MYO10: variants seen among roughly 807,000 people sequenced by gnomAD.
MYO10 encodes myosin X.
In MYO10, 133 loss-of-function variants were observed where a neutral mutation model predicts 257.3. That is an observed-to-expected ratio of 0.52 (90% CI 0.45 to 0.60). The LOEUF (loss-of-function observed/expected upper bound fraction) is 0.60, where lower values mean the gene tolerates loss of function less well. Among genes scored for constraint, MYO10 ranks in the 20% least tolerant of loss-of-function variants. The pLI is 0.00. For synonymous variants in MYO10, 1,104 were observed against 1,028.6 expected (o/e 1.07, Z -1.40); for missense variants, 2,399 against 2,635.7 (o/e 0.91, Z 1.97).
chr5:16,738,429 A>G (rs892967271), intron 19 of MYO10: 13 of 984,510 alleles, frequency 1.3e-5, no homozygotes, highest in African/African-American at 1.8e-5. Flanking sequence ...ATAGTCACAG[A>G]CTCTTTTTGG....
intron 1 of MYO10, among the ~76,000 whole-genome samples, chr5:16,914,283 C>T (rs1031047497): frequency 2.6e-5 from 4 of 152,182 alleles, no homozygotes; most frequent in Non-Finnish European, 5.9e-5. Context: ...CTGGCCATGC[C>T]GCCTTCCTTC....
chr5:16,779,555 C>A lies in MYO10; in HGVS notation c.920G>T (p.Arg307Met), dbSNP rs1741336846. Residue 307 changes from arginine (R) to methionine (M), a missense_variant, in exon 9 of 41, where the codon AGG (arginine) becomes ATG (methionine). Around this residue, in one of 3 missense-constraint regions of MYO10, gnomAD observed 337 missense variants for 446.8 expected, o/e 0.75. Coordinates refer to ENST00000513610, the MANE Select transcript of MYO10 (RefSeq NM_012334.3). ...DKTISDQESF[R>M]EVITAMDVMQ... ...TTAAAAGTAACTTACAATAACTTCC[C>A]TAAAGGATTCCTGGTCACTGATTGT... 1.3e-6 allele frequency: 2 copies of A among 1,571,438 alleles called. No individual in the cohort carries two copies. Among genetic ancestry groups the A allele is most frequent in the South Asian group, 2.4e-5 (2 of 83,052 alleles).
chr5:16,730,923 C>G (rs1277713861), intron 19 of MYO10, among the ~76,000 whole-genome samples: 1 of 152,060 alleles, frequency 6.6e-6, no homozygotes, highest in African/African-American at 2.4e-5. Context: ...AGGTCGTGGG[C>G]TGTCATGGGA....
intron 2 of MYO10, among the ~76,000 whole-genome samples, chr5:16,867,990 G>A (rs1442205840): frequency 6.6e-6 from 1 of 152,172 alleles, no homozygotes; most frequent in Non-Finnish European, 1.5e-5. Flanking sequence ...CCTGCACAGA[G>A]TAATCGCCTT....
At chr5:16,830,393 TCTA>T (rs1428258511) in intron 2 of MYO10, among the ~76,000 whole-genome samples, 4 of 152,148 alleles carry the variant, frequency 2.6e-5, no homozygotes, top group Non-Finnish European at 4.4e-5. Context: ...TTAAGGGACA[TCTA>T]CTGCACAAAG....
intron 1 of MYO10, among the ~76,000 whole-genome samples, chr5:16,907,888 C>T (rs1745558142): frequency 6.6e-6 from 1 of 152,194 alleles, no homozygotes. Context: ...AAAAATTTAT[C>T]TTTACCTCTC....
intron 2 of MYO10, among the ~76,000 whole-genome samples, chr5:16,833,448 G>A (rs1026684091): frequency 1.4e-4 from 22 of 152,154 alleles, no homozygotes; most frequent in Admixed American, 5.2e-4. Flanking sequence ...TCCTGACCTC[G>A]TGATTTGCCC....
intron 18 of MYO10, among the ~76,000 whole-genome samples, chr5:16,757,841 T>C (rs1290055091): frequency 6.6e-6 from 1 of 152,156 alleles, no homozygotes; most frequent in Non-Finnish European, 1.5e-5. Flanking sequence ...ATTTCTGTAT[T>C]TTTTGTAGAG....
intron 2 of MYO10, 40 bp from the exon 3 acceptor site, chr5:16,818,207 A>T (rs377539629): frequency 2.0e-5 from 28 of 1,404,648 alleles, no homozygotes; most frequent in Non-Finnish European, 2.6e-5. Context: ...CATTATCAGC[A>T]GTAAGTGATT....
At chr5:16,785,696 CCT>C (rs1292181719) in intron 4 of MYO10, among the ~76,000 whole-genome samples, 2 of 152,040 alleles carry the variant, frequency 1.3e-5, no homozygotes, top group African/African-American at 4.8e-5. Context: ...ATGGTGAAAC[CCT>C]GTCTCTACTC....
intron 22 of MYO10, among the ~76,000 whole-genome samples, chr5:16,703,799 T>C (rs1176461466): frequency 6.8e-6 from 1 of 148,008 alleles, no homozygotes; most frequent in Non-Finnish European, 1.5e-5. Flanking sequence ...GGAGAATCAC[T>C]TGAACCCGGG....
At position 16,719,995 on chromosome 5, in the gene MYO10, T is replaced by C. The variant is rs796721179; in HGVS notation, c.1930-8750A>G. Among the ~76,000 whole-genome samples the C allele has an allele frequency of 8.1e-3, 1,033 of 127,424 alleles. 4 individuals are homozygous for C. The highest frequency in any genetic ancestry group is 0.012 in the South Asian group (58 of 4,726). 83.6% of individuals were successfully genotyped at this position (127,424 alleles called of 152,430 possible). A position where few individuals can be genotyped will look rare whatever the true frequency, so the allele number is the denominator to read the frequency against. ...AAATAAATGTGTGTGCGTGCGTGTG[T>C]GTGTGTGTGTGTGTGTGTGTGTGTG... On this transcript the variant is annotated intron_variant, in intron 19 of 40. Coordinates refer to ENST00000513610, the MANE Select transcript of MYO10 (RefSeq NM_012334.3).
At chr5:16,812,850 A>G (rs1742482025) in intron 3 of MYO10, among the ~76,000 whole-genome samples, 1 of 152,166 alleles carries the variant, frequency 6.6e-6, no homozygotes, top group Non-Finnish European at 1.5e-5. Flanking sequence ...AGATTCAATT[A>G]TCAATACGGA....
In MYO10 at chr5:16,780,544, C is replaced by T. The variant is rs778469145; in HGVS notation, c.806G>A (p.Gly269Glu). The T allele has an allele frequency of 6.3e-7, 1 of 1,583,108 alleles. No homozygotes were observed. Among genetic ancestry groups the T allele is most frequent in the African/African-American group, 1.3e-5 (1 of 74,716 alleles). The change falls in exon 8 of 41, where the codon GGG (glycine) becomes GAG (glutamate). Residue 269 changes from glycine to glutamate, a missense_variant. Gly to Glu is a moderately conservative substitution (Grantham distance 98). Transcript: ENST00000513610. ...NYHIFYALLA[G>E]LEHEEREEFY... ...CTCACCTCTTTCTTCATGTTCCAGCCCTGCCAGCAGTGCATAAAATATGTG... is the reference window on the plus strand; with the variant it reads ...CTCACCTCTTTCTTCATGTTCCAGCTCTGCCAGCAGTGCATAAAATATGTG...
At chr5:16,826,164 A>G (rs1742994143) in intron 2 of MYO10, among the ~76,000 whole-genome samples, 1 of 151,096 alleles carries the variant, frequency 6.6e-6, no homozygotes, top group South Asian at 2.1e-4. Flanking sequence ...AACAAAACAT[A>G]GTAATAAAAA....
At chr5:16,866,506 C>T (rs577449067) in intron 2 of MYO10, among the ~76,000 whole-genome samples, 3 of 152,148 alleles carry the variant, frequency 2.0e-5, no homozygotes, top group Non-Finnish European at 4.4e-5. Flanking sequence ...CCTCTAGAAA[C>T]GGCAATTTCA....
chr5:16,670,415 T>C (rs1019243186), intron 39 of MYO10, 111 bp downstream of exon 39: 3 of 968,408 alleles, frequency 3.1e-6, no homozygotes, highest in Non-Finnish European at 4.5e-6. Flanking sequence ...TAAAAGAGGT[T>C]GAGAGAGCAA....
chr5:16,899,121 C>T (rs184414457), intron 1 of MYO10, among the ~76,000 whole-genome samples: 1,883 of 128,566 alleles, frequency 0.015, 41 homozygotes, highest in African/African-American at 0.052. Context: ...GGTGACAGAA[C>T]CAGACTCTGT....
At chr5:16,743,197 C>T (rs1442639380) in intron 19 of MYO10, among the ~76,000 whole-genome samples, 4 of 152,250 alleles carry the variant, frequency 2.6e-5, no homozygotes, top group Middle Eastern at 3.4e-3. Flanking sequence ...ATGAGCCATT[C>T]CCAAAGACTA....
Sources: gnomAD v4.1 joint callset for allele counts (sites outside exome capture counted in the v4.1 genomes callset) on GRCh38, gnomAD v4.1.1 for gene constraint, gnomAD v4.1.1 regional missense constraint, MANE v1.5 for transcripts, NCBI Gene and HGNC (gene_info 2026-07-23, HGNC 2026-07-21) for gene names.